CFAP299: variants seen among roughly 807,000 people sequenced by gnomAD.
CFAP299 encodes the protein cilia and flagella associated protein 299.
Under a neutral mutation model 27.0 loss-of-function variants are expected in CFAP299, and 21 were observed. The observed-to-expected ratio is 0.78, with a 90% CI of 0.55 to 1.12. The LOEUF (loss-of-function observed/expected upper bound fraction) is 1.12. Ranked by LOEUF, CFAP299 falls within the 50% of genes most tolerant of loss-of-function variation. The pLI, the probability that CFAP299 is intolerant of heterozygous loss-of-function variation, is 0.00. For synonymous variants in CFAP299, 104 were observed against 98.1 expected (o/e 1.06, Z -0.36); for missense variants, 310 against 276.6 (o/e 1.12, Z -0.86).
At chr4:80,440,926 T>C (rs1728328884) in intron 2 of CFAP299, among the ~76,000 whole-genome samples, 2 of 152,176 alleles carry the variant, frequency 1.3e-5, no homozygotes, top group South Asian at 4.2e-4. Context: ...CAAGTATCAA[T>C]AGCCGAATCA....
Position 80,390,724 on chromosome 4 carries a change from CATGTATAT to C in CFAP299, c.242+27859_242+27866del, listed in dbSNP as rs1193647920. 1.7e-3 allele frequency among the ~76,000 whole-genome samples: 202 copies of C among 119,282 alleles called. 3 individuals are homozygous for C. Among genetic ancestry groups the C allele is most frequent in the Admixed American group, 6.5e-3 (76 of 11,738 alleles). The allele number at this position is 119,282 out of a possible 152,430, so 78.3% of individuals were successfully genotyped here. On this transcript the variant is annotated intron_variant, in intron 2 of 5. Transcript: ENST00000358105. The stretch of plus-strand genomic sequence containing the variant: ...ATATGTATATATGTATACACACATA[CATGTATAT>C]ATGTATATATGTATATATACACACA...
chr4:80,573,299 G>T (rs780140187), intron 2 of CFAP299, among the ~76,000 whole-genome samples: 2 of 151,764 alleles, frequency 1.3e-5, no homozygotes, highest in Non-Finnish European at 2.9e-5. Context: ...CAAATCTTTG[G>T]CCTATTTTTT....
At chr4:80,602,619 C>T (rs187289732) in intron 3 of CFAP299, among the ~76,000 whole-genome samples, 143 of 152,052 alleles carry the variant, frequency 9.4e-4, no homozygotes, top group Admixed American at 2.1e-3. Context: ...TGATGAGAAA[C>T]AAGTCTGGTT....
At chr4:80,648,343 T>A (rs1007753035) in intron 3 of CFAP299, among the ~76,000 whole-genome samples, 2 of 152,210 alleles carry the variant, frequency 1.3e-5, no homozygotes, top group African/African-American at 4.8e-5. Flanking sequence ...GAAAAGGCCT[T>A]ATTTATGGTT....
chr4:80,432,771 C>CT (rs1727886113), intron 2 of CFAP299, among the ~76,000 whole-genome samples: 1 of 152,124 alleles, frequency 6.6e-6, no homozygotes, highest in East Asian at 1.9e-4. Context: ...ATCCACCCAC[C>CT]TCGGCCTCCC....
At chr4:80,782,615 T>C (rs1269052043) in intron 3 of CFAP299, among the ~76,000 whole-genome samples, 2 of 117,222 alleles carry the variant, frequency 1.7e-5, no homozygotes, top group African/African-American at 7.1e-5. Context: ...CATATATTAA[T>C]ATATAATATA....
At chr4:80,452,920 A>G (rs1728969987) in intron 2 of CFAP299, among the ~76,000 whole-genome samples, 1 of 152,244 alleles carries the variant, frequency 6.6e-6, no homozygotes, top group Non-Finnish European at 1.5e-5. Flanking sequence ...AGTCAGAGAC[A>G]TCATGAGAAA....
At position 80,779,912 on chromosome 4, in the gene CFAP299, G is replaced by A. The variant is rs369232325; in HGVS notation, c.334-90081G>A. ...AGACTGGAAAAAATAAATGTTCTCCGGAATCTCATTGACTCAAAGCCTCCA... is the reference window on the plus strand; with the variant it reads ...AGACTGGAAAAAATAAATGTTCTCCAGAATCTCATTGACTCAAAGCCTCCA... On this transcript the variant is annotated intron_variant, in intron 3 of 5. Transcript: ENST00000358105. Among the ~76,000 whole-genome samples the A allele has an allele frequency of 4.0e-4, 61 of 152,034 alleles. 1 individual carries two copies. The East Asian group carries it at 7.0e-3, about 17-fold the overall frequency.
Position 80,379,582 on chromosome 4 carries a change from G to A in CFAP299, c.242+16698G>A, listed in dbSNP as rs186910957. 6.4e-3 allele frequency among the ~76,000 whole-genome samples: 948 copies of A among 148,592 alleles called. 2 individuals are homozygous for A. The highest frequency in any genetic ancestry group is 0.026 in the Middle Eastern group (7 of 268). On this transcript the variant is annotated intron_variant, in intron 2 of 5. Coordinates refer to ENST00000358105, the MANE Select transcript of CFAP299 (RefSeq NM_152770.3). ...TTAGTTGGATTTCACAAATTTTGAT[G>A]TTTGATGTTTGTTTTTCATTTCTAT...
intron 3 of CFAP299, among the ~76,000 whole-genome samples, chr4:80,728,943 AT>A (rs1285688676): frequency 6.6e-6 from 1 of 152,186 alleles, no homozygotes; most frequent in African/African-American, 2.4e-5. Flanking sequence ...AAAAGATGCA[AT>A]ACCTAAAAGC....
intron 3 of CFAP299, among the ~76,000 whole-genome samples, chr4:80,697,386 T>C (rs1222949087): frequency 6.6e-6 from 1 of 152,136 alleles, no homozygotes; most frequent in East Asian, 1.9e-4. Context: ...GTACAATCAT[T>C]GTTTTGGGTG....
chr4:80,711,209 C>T (rs988950994), intron 3 of CFAP299, among the ~76,000 whole-genome samples: 1 of 152,124 alleles, frequency 6.6e-6, no homozygotes, highest in African/African-American at 2.4e-5. Flanking sequence ...AGCCGCTGAC[C>T]CTGAAAGCAG....
rs1056280873 is a variant in CFAP299, at chr4:80,387,198, G to A, written c.242+24314G>A. 2.7e-5 allele frequency: 37 copies of A among 1,362,970 alleles called. 1 individual carries two copies. Among genetic ancestry groups the A allele is most frequent in the Admixed American group, 1.0e-4 (6 of 59,572 alleles). 84.4% of individuals were successfully genotyped at this position (1,362,970 alleles called of 1,614,324 possible). ...TGTGGAAGGAGGCTGTGGGAGTACT[G>A]GTGCACGCTCAGGTCGTACATCGGG... On this transcript the variant is annotated intron_variant, in intron 2 of 5. Transcript: ENST00000358105.
chr4:80,697,941 T>C (rs1721214665), intron 3 of CFAP299, among the ~76,000 whole-genome samples: 2 of 152,282 alleles, frequency 1.3e-5, no homozygotes, highest in South Asian at 2.1e-4. Context: ...TATTAATCAA[T>C]CAAACCAAGA....
chr4:80,725,036 C>T (rs1723073840), intron 3 of CFAP299, among the ~76,000 whole-genome samples: 1 of 151,268 alleles, frequency 6.6e-6, no homozygotes, highest in South Asian at 2.1e-4. Flanking sequence ...CCTCTGCCTC[C>T]CAGGTTCAGG....
rs963883898 is a variant in CFAP299, at chr4:80,534,575, A to T, written c.243-48518A>T. Among the ~76,000 whole-genome samples the T allele has an allele frequency of 2.0e-5, 3 of 152,028 alleles. No individual in the cohort carries two copies. The East Asian group carries it at 5.8e-4, about 29-fold the overall frequency. Reference sequence around the variant, plus strand: ...GTTTCATTTATGTACAGAAATGAGAAAACTTAGTGTAGCAGTCAATTGGAT... The same window carrying T: ...GTTTCATTTATGTACAGAAATGAGATAACTTAGTGTAGCAGTCAATTGGAT... On this transcript the variant is annotated intron_variant, in intron 2 of 5. Transcript: ENST00000358105.
intron 4 of CFAP299, among the ~76,000 whole-genome samples, chr4:80,931,849 C>A (rs1578247965): frequency 6.6e-6 from 1 of 152,136 alleles, no homozygotes; most frequent in South Asian, 2.1e-4. Context: ...CAACAGGAAT[C>A]ACCCTGTACC....
At chr4:80,426,532 T>G (rs1483386875) in intron 2 of CFAP299, among the ~76,000 whole-genome samples, 1 of 152,232 alleles carries the variant, frequency 6.6e-6, no homozygotes, top group Admixed American at 6.5e-5. Flanking sequence ...TTTGAGGTTT[T>G]CCAAACTTGC....
intron 2 of CFAP299, among the ~76,000 whole-genome samples, chr4:80,474,872 G>C (rs546174609): frequency 6.6e-6 from 1 of 152,226 alleles, no homozygotes; most frequent in African/African-American, 2.4e-5. Context: ...CAAGTAATGA[G>C]ATCAATTCAA....
Sources: allele counts gnomAD v4.1 joint callset (sites outside exome capture counted in the v4.1 genomes callset), GRCh38; gene constraint gnomAD v4.1.1; transcripts MANE v1.5; gene names NCBI Gene and HGNC (gene_info 2026-07-23, HGNC 2026-07-21).